Variants in PTPRD observed in about 807,000 individuals in gnomAD.
PTPRD encodes the protein receptor-type tyrosine-protein phosphatase delta.
Under a neutral mutation model 214.5 loss-of-function variants are expected in PTPRD, and 34 were observed. The observed-to-expected ratio is 0.16, with a 90% CI of 0.12 to 0.21. The LOEUF is 0.21. Among genes scored for constraint, PTPRD ranks in the 10% least tolerant of loss-of-function variants. PTPRD has a pLI of 1.00. For missense variants in PTPRD, 2,545 were observed against 2,398.7 expected, an observed-to-expected ratio of 1.06 and a Z score of -1.27; for synonymous variants, 1,128 against 845.7, an observed-to-expected ratio of 1.33 and a Z score of -5.79.
intron 9 of PTPRD, among the ~76,000 whole-genome samples, chr9:9,207,282 C>T (rs749229890): frequency 2.0e-5 from 3 of 151,894 alleles, no homozygotes; most frequent in Admixed American, 1.3e-4. Context: ...AATAGACAAC[C>T]GCATGGAGAC....
At chr9:9,976,807 A>T (rs548916097) in intron 4 of PTPRD, among the ~76,000 whole-genome samples, 11 of 150,816 alleles carry the variant, frequency 7.3e-5, no homozygotes, top group Non-Finnish European at 4.4e-5. Context: ...CTGTCTTCTT[A>T]GACAGTTCAC....
intron 2 of PTPRD, among the ~76,000 whole-genome samples, chr9:10,466,893 G>A (rs2098998328): frequency 6.6e-6 from 1 of 152,134 alleles, no homozygotes. Flanking sequence ...TTTCAGACTG[G>A]ACTACAAAAC....
chr9:8,835,551 G>C (rs1266828992), intron 11 of PTPRD, among the ~76,000 whole-genome samples: 1 of 152,086 alleles, frequency 6.6e-6, no homozygotes, highest in African/African-American at 2.4e-5. Flanking sequence ...TTGCTGTTGA[G>C]ACAGGTCTCA....
At chr9:8,676,961 C>G (rs754499834) in intron 12 of PTPRD, among the ~76,000 whole-genome samples, 1 of 152,046 alleles carries the variant, frequency 6.6e-6, no homozygotes, top group Non-Finnish European at 1.5e-5. Context: ...AAAAGAATGC[C>G]TGAATGAAAT....
intron 12 of PTPRD, among the ~76,000 whole-genome samples, chr9:8,706,170 C>A (rs2098203055): frequency 6.6e-6 from 1 of 151,978 alleles, no homozygotes; most frequent in Non-Finnish European, 1.5e-5. Context: ...AGAAAGAACA[C>A]TGAATTAAAA....
Position 8,659,058 on chromosome 9 carries a change from T to C in PTPRD, c.65-22214A>G, listed in dbSNP as rs531068544. 2.8e-5 allele frequency among the ~76,000 whole-genome samples: 4 copies of C among 144,238 alleles called. No homozygotes were observed. The South Asian group carries it at 9.0e-4, about 32-fold the overall frequency. The allele number at this position is 144,238 out of a possible 152,430, so 94.6% of individuals were successfully genotyped here. A position where few individuals can be genotyped will look rare whatever the true frequency, so the allele number is the denominator to read the frequency against. On this transcript the variant is annotated intron_variant, in intron 12 of 45. Transcript: ENST00000381196. Reference sequence around the variant, plus strand: ...AACTTATTCTCATCCTTCAACAATGTCAAAAGAAGTAACTGGAAAAAAAAA... The same window carrying C: ...AACTTATTCTCATCCTTCAACAATGCCAAAAGAAGTAACTGGAAAAAAAAA...
At chr9:9,736,683 T>G (rs1419301752) in intron 6 of PTPRD, among the ~76,000 whole-genome samples, 1 of 152,112 alleles carries the variant, frequency 6.6e-6, no homozygotes, top group Non-Finnish European at 1.5e-5. Flanking sequence ...TACATTATCT[T>G]CATAACAAAT....
intron 14 of PTPRD, among the ~76,000 whole-genome samples, chr9:8,530,810 A>T (rs1353355016): frequency 6.6e-6 from 1 of 152,108 alleles, no homozygotes; most frequent in African/African-American, 2.4e-5. Flanking sequence ...AGCTCCCAAG[A>T]AAGAGAAATT....
At chr9:9,440,091 GCATTTTAATACAGTT>G (rs1019019472) in intron 8 of PTPRD, among the ~76,000 whole-genome samples, 3 of 152,096 alleles carry the variant, frequency 2.0e-5, no homozygotes, top group Non-Finnish European at 4.4e-5. Context: ...ATTGAATTCT[GCATTTTAATACAGTT>G]CAATGAAAAT....
chr9:8,867,982 GT>G (rs2098228483), intron 11 of PTPRD, among the ~76,000 whole-genome samples: 1 of 152,042 alleles, frequency 6.6e-6, no homozygotes, highest in African/African-American at 2.4e-5. Context: ...ATTTTTTCCA[GT>G]TTAATATATT....
rs79121938 is a variant in PTPRD at position 10,434,211 on chromosome 9, A to G, written c.-599-93194T>C. Reference sequence around the variant, plus strand: ...GTATAAATAAAATATGTTTAAATAAACTCCATATGCATCACTCAGTCTCCC... The same window carrying G: ...GTATAAATAAAATATGTTTAAATAAGCTCCATATGCATCACTCAGTCTCCC... On this transcript the variant is annotated intron_variant, in intron 2 of 45. Transcript: ENST00000381196. 2.9e-3 allele frequency among the ~76,000 whole-genome samples: 446 copies of G among 151,880 alleles called. 1 individual carries two copies. Among genetic ancestry groups the G allele is most frequent in the African/African-American group, 0.01 (420 of 41,472 alleles).
chr9:8,337,868 G>C (rs1220384881), intron 43 of PTPRD, among the ~76,000 whole-genome samples: 1 of 146,210 alleles, frequency 6.8e-6, no homozygotes, highest in Admixed American at 7.3e-5. Context: ...TTCTGAAAGA[G>C]CACTATTTTT....
chr9:8,911,398 C>CTG lies in PTPRD; in HGVS notation c.-104+107297_-104+107298dup, dbSNP rs141803185. Among the ~76,000 whole-genome samples the CTG allele has an allele frequency of 5.0e-3, 716 of 143,710 alleles. 14 individuals carry two copies. The highest frequency in any genetic ancestry group is 0.016 in the African/African-American group (640 of 39,090). The allele number at this position is 143,710 out of a possible 152,430, so 94.3% of individuals were successfully genotyped here. A position where few individuals can be genotyped will look rare whatever the true frequency, so the allele number is the denominator to read the frequency against. ...GAGAACTGGATGCCCATGTGTGTGT[C>CTG]TGTGTGTGTGTGTGTGTTGTGTGTG... On this transcript the variant is annotated intron_variant, in intron 11 of 45. Transcript: ENST00000381196.
chr9:8,634,860 A>G (rs1247966991), intron 13 of PTPRD, among the ~76,000 whole-genome samples: 1 of 151,590 alleles, frequency 6.6e-6, no homozygotes, highest in East Asian at 1.9e-4. Flanking sequence ...CTCTTACAAC[A>G]TACAATATAC....
chr9:9,765,585 A>G (rs1294120121), intron 6 of PTPRD, among the ~76,000 whole-genome samples: 1 of 152,224 alleles, frequency 6.6e-6, no homozygotes, highest in Non-Finnish European at 1.5e-5. Flanking sequence ...AATCTATTCA[A>G]TATTTAAATA....
intron 11 of PTPRD, chr9:8,797,266 T>A (rs573454822): frequency 5.0e-4 from 76 of 152,320 alleles, no homozygotes; most frequent in African/African-American, 1.7e-3. Flanking sequence ...GATTGCCTTA[T>A]GGCCAAGAGA....
chr9:8,397,778 G>C (rs2091537530), intron 36 of PTPRD, among the ~76,000 whole-genome samples: 1 of 152,146 alleles, frequency 6.6e-6, no homozygotes, highest in Non-Finnish European at 1.5e-5. Flanking sequence ...TAGAGGTGGT[G>C]ATTCCATGTG....
chr9:10,105,299 A>G (rs1025249777), intron 3 of PTPRD, among the ~76,000 whole-genome samples: 1 of 151,872 alleles, frequency 6.6e-6, no homozygotes, highest in African/African-American at 2.4e-5. Flanking sequence ...GTTAATATCT[A>G]TTATTGAAGT....
chr9:9,923,853 T>A (rs954203632), intron 5 of PTPRD, among the ~76,000 whole-genome samples: 1 of 151,700 alleles, frequency 6.6e-6, no homozygotes, highest in African/African-American at 2.4e-5. Flanking sequence ...GAGAATGAAG[T>A]GCGATCTAGG....
Sources: allele counts gnomAD v4.1 joint callset (sites outside exome capture counted in the v4.1 genomes callset), GRCh38; gene constraint gnomAD v4.1.1; transcripts MANE v1.5; gene names NCBI Gene and HGNC (gene_info 2026-07-23, HGNC 2026-07-21).